The following TEX36 variants were observed in gnomAD, a reference collection of about 807,000 sequenced individuals.
TEX36 encodes the protein testis expressed 36.
TEX36 carries 12 observed loss-of-function variants against 13.6 expected under a neutral mutation model. The observed-to-expected ratio is 0.88, with a 90% CI of 0.56 to 1.43. The LOEUF (loss-of-function observed/expected upper bound fraction) is 1.43. Ranked by LOEUF, TEX36 falls within the 40% of genes most tolerant of loss-of-function variation. The probability of loss-of-function intolerance (pLI) is 0.00; values close to 1 mark genes in which losing one functional copy is unlikely to be tolerated. For synonymous variants in TEX36, 93 were observed against 83.0 expected, an observed-to-expected ratio of 1.12 and a Z score of -0.65; for missense variants, 224 against 228.3, an observed-to-expected ratio of 0.98 and a Z score of 0.12.
Position 125,669,753 on chromosome 10 carries a change from C to A in TEX36, c.52-7776G>T, listed in dbSNP as rs571350521. 1.2e-3 allele frequency among the ~76,000 whole-genome samples: 189 copies of A among 152,296 alleles called. 1 individual carries two copies. The highest frequency in any genetic ancestry group is 4.3e-3 in the African/African-American group (179 of 41,570). ...ATTTTTCCTGATGCTCTCCCTCCCA[C>A]ACCCCCCGTAACAGGCCCCAGTGTG... On this transcript the variant is annotated intron_variant, in intron 1 of 3. Transcript: ENST00000368821.
rs774626032 is a variant in TEX36, at chr10:125,664,300, T to C, written c.52-2323A>G. ...ATTGTGAATAGTGCTGCAATAAACA[T>C]GGGAGTGCAAATATCTCCTCAGTAT... On this transcript the variant is annotated intron_variant, in intron 1 of 3. Coordinates refer to ENST00000368821, the MANE Select transcript of TEX36 (RefSeq NM_001128202.3). 6.0e-4 allele frequency among the ~76,000 whole-genome samples: 91 copies of C among 152,278 alleles called. No homozygotes were observed. The Middle Eastern group carries it at 0.024, about 40-fold the overall frequency.
At chr10:125,619,666 C>T (rs571700216), downstream of TEX36, among the ~76,000 whole-genome samples, 10 of 152,092 alleles carry the variant, frequency 6.6e-5, no homozygotes, top group African/African-American at 2.4e-4. Flanking sequence ...AAGCAATTCT[C>T]CTGCCTCAGC....
At position 125,607,773 on chromosome 10, in the gene TEX36, A is replaced by G. The variant is rs893923524; in HGVS notation, c.265-30899T>C. The stretch of plus-strand genomic sequence containing the variant: ...AGCACATAGTCAGTGCTCAATAAAT[A>G]TTTACTGGGTAAGCAAATGACTGAG... On this transcript the variant is annotated intron_variant, in intron 3 of 3. Coordinates refer to the TEX36 transcript ENST00000532135. Among the ~76,000 whole-genome samples, 5 of 151,844 alleles carry G rather than the reference A, an allele frequency of 3.3e-5. No homozygotes were observed. In the South Asian group the frequency reaches 8.3e-4, roughly 25 times the overall value.
intron 3 of TEX36, among the ~76,000 whole-genome samples, chr10:125,634,432 G>A (rs1846598327): frequency 6.6e-6 from 1 of 152,144 alleles, no homozygotes; most frequent in Non-Finnish European, 1.5e-5. Context: ...ACTGATGGGG[G>A]AGCAGTTTTT....
intron 3 of TEX36, among the ~76,000 whole-genome samples, chr10:125,591,565 A>G (rs1337593779): frequency 2.6e-5 from 4 of 152,208 alleles, no homozygotes; most frequent in Admixed American, 2.6e-4. Context: ...GTGTGTACAC[A>G]TGCTGGGAAA....
chr10:125,619,106 G>T (rs1378190697), downstream of TEX36, among the ~76,000 whole-genome samples: 1 of 151,176 alleles, frequency 6.6e-6, no homozygotes, highest in Non-Finnish European at 1.5e-5. Context: ...CTCCAGCCTG[G>T]GTGAAAGTGC....
chr10:125,580,035 A>T (rs5022290), intron 3 of TEX36, among the ~76,000 whole-genome samples: 2 of 152,354 alleles, frequency 1.3e-5, no homozygotes, highest in Admixed American at 1.3e-4. Flanking sequence ...CCTGTTGGGT[A>T]CTTAATAAAT....
intron 3 of TEX36, among the ~76,000 whole-genome samples, chr10:125,591,497 C>A (rs559336859): frequency 5.3e-5 from 8 of 152,200 alleles, no homozygotes; most frequent in Non-Finnish European, 1.5e-5. Context: ...GCAGGATCCA[C>A]ACACTATCCT....
downstream of TEX36, among the ~76,000 whole-genome samples, chr10:125,616,650 C>T (rs367961597): frequency 3.7e-5 from 4 of 106,938 alleles, no homozygotes; most frequent in East Asian, 2.5e-4. Context: ...GTCTGAGAGA[C>T]AGTTTGTTAT....
At chr10:125,577,848 T>C (rs1337026208) in intron 3 of TEX36, among the ~76,000 whole-genome samples, 3 of 152,160 alleles carry the variant, frequency 2.0e-5, no homozygotes, top group Non-Finnish European at 4.4e-5. Flanking sequence ...CACAAATAAC[T>C]GGAAGGAGTA....
chr10:125,578,914 C>A (rs1845855418), intron 3 of TEX36, among the ~76,000 whole-genome samples: 1 of 152,198 alleles, frequency 6.6e-6, no homozygotes, highest in Non-Finnish European at 1.5e-5. Context: ...CTCTACCTTT[C>A]CCCACATGCT....
chr10:125,653,648 A>T (rs949941307), downstream of TEX36, among the ~76,000 whole-genome samples: 3 of 152,034 alleles, frequency 2.0e-5, no homozygotes, highest in African/African-American at 4.8e-5. Flanking sequence ...ATAATAATAA[A>T]AATTTTTAAA....
chr10:125,656,592 A>C (rs192925835), intron 3 of TEX36, among the ~76,000 whole-genome samples: 1 of 151,838 alleles, frequency 6.6e-6, no homozygotes, highest in Admixed American at 6.6e-5. Flanking sequence ...TCTTAAAATC[A>C]GTTACTTGAC....
downstream of TEX36, among the ~76,000 whole-genome samples, chr10:125,621,428 G>T (rs1259375677): frequency 6.6e-6 from 1 of 151,910 alleles, no homozygotes; most frequent in Non-Finnish European, 1.5e-5. Flanking sequence ...TGCTTTTGAT[G>T]TGCATGTCCC....
chr10:125,661,164 G>T, intron 2 of TEX36, 63 bp from the exon 3 acceptor site: 4 of 1,347,780 alleles, frequency 3.0e-6, no homozygotes, highest in East Asian at 2.5e-5. Flanking sequence ...TCAGAACTGG[G>T]ATCGGGTGAT....
At chr10:125,660,902 G>A (rs1352916027) in intron 3 of TEX36, 119 bp downstream of exon 3, 6 of 843,748 alleles carry the variant, frequency 7.1e-6, no homozygotes, top group South Asian at 1.5e-5. Flanking sequence ...TTAAGACCTC[G>A]CTTTGTTTTG....
At chr10:125,661,809 C>T (rs553135405) in intron 2 of TEX36, 37 bp downstream of exon 2, 7 of 1,550,506 alleles carry the variant, frequency 4.5e-6, no homozygotes, top group Non-Finnish European at 6.1e-6. Context: ...GGGAGGTCCA[C>T]AGGAGCACAT....
intron 3 of TEX36, among the ~76,000 whole-genome samples, chr10:125,582,709 G>C (rs191982446): frequency 6.6e-6 from 1 of 152,298 alleles, no homozygotes; most frequent in East Asian, 1.9e-4. Context: ...TGGATTAAGA[G>C]CTCAAAGTCT....
Position 125,681,500 on chromosome 10 carries a change from C to A in TEX36, c.51+1439G>T, listed in dbSNP as rs545330949. 2.0e-5 allele frequency among the ~76,000 whole-genome samples: 3 copies of A among 152,236 alleles called. No individual in the cohort carries two copies. The South Asian group carries it at 6.2e-4, about 32-fold the overall frequency. Reference sequence around the variant, plus strand: ...TTATCTCTCATTTTACTTTGGCTGCCAGGGAACTCAGAGTCAAATGTGGTG... The same window carrying A: ...TTATCTCTCATTTTACTTTGGCTGCAAGGGAACTCAGAGTCAAATGTGGTG... On this transcript the variant is annotated intron_variant, in intron 1 of 3. Transcript: ENST00000368821.
Sources: allele counts gnomAD v4.1 joint callset (sites outside exome capture counted in the v4.1 genomes callset), GRCh38; gene constraint gnomAD v4.1.1; transcripts MANE v1.5; gene names NCBI Gene and HGNC (gene_info 2026-07-23, HGNC 2026-07-21).